SPN: variants seen among roughly 807,000 people sequenced by gnomAD.
The protein encoded by SPN is leukosialin.
Under a neutral mutation model 8.4 loss-of-function variants are expected in SPN, and 6 were observed. The ratio of observed to expected loss-of-function variants is 0.72; its 90% CI spans 0.39 to 1.42. The LOEUF (loss-of-function observed/expected upper bound fraction) is 1.42, where lower values mean the gene tolerates loss of function less well. SPN is among the 40% of genes most tolerant of loss of function. SPN has a pLI of 0.02. For synonymous variants in SPN, 201 were observed against 222.6 expected (o/e 0.90, Z 0.86); for missense variants, 517 against 530.6 (o/e 0.97, Z 0.25).
rs975155895 is a variant in SPN at position 29,666,547 on chromosome 16, C to G, written c.*1616C>G. 10 of 203,704 alleles carry G rather than the reference C, an allele frequency of 4.9e-5. No homozygotes were observed. The highest frequency in any genetic ancestry group is 1.0e-4 in the Non-Finnish European group (10 of 95,886). 12.6% of individuals were successfully genotyped at this position (203,704 alleles called of 1,614,324 possible). On this transcript the variant is annotated 3_prime_UTR_variant, in exon 2 of 2. Coordinates refer to ENST00000652691, the MANE Select transcript of SPN (RefSeq NM_003123.6). ...TCTCACACACACACACACACACACA[C>G]ACACACGCGCGCGCGCGCGCGCTCT... is the stretch of plus-strand genomic sequence containing the variant.
Position 29,667,195 on chromosome 16 carries a change from C to A in SPN, c.*2264C>A. 1 of 367,568 alleles carries A rather than the reference C, an allele frequency of 2.7e-6. No individual in the cohort carries two copies. Among genetic ancestry groups the A allele is most frequent in the Non-Finnish European group, 5.7e-6 (1 of 176,446 alleles). 22.8% of individuals were successfully genotyped at this position (367,568 alleles called of 1,614,324 possible). ...CTTTTCTGATTGCTATTTGGACTCA[C>A]TGCAGCTGCAGAATGACAGAGGCCA... On this transcript the variant is annotated 3_prime_UTR_variant, in exon 2 of 2. Coordinates refer to ENST00000652691, the MANE Select transcript of SPN (RefSeq NM_003123.6).
chr16:29,664,357 GCT>G lies in SPN; in HGVS notation c.634_635del (p.Leu212GlyfsTer13). The G allele has an allele frequency of 6.2e-7, 1 of 1,613,454 alleles. No individual in the cohort carries two copies. Among genetic ancestry groups the G allele is most frequent in the Non-Finnish European group, 8.5e-7 (1 of 1,179,986 alleles). ...GGACCCCCTGTTACCATGACAACTG[GCT>G]CTCTGGAGCCCTCCAGCGGGGCCAG... On this transcript the variant is annotated frameshift_variant, in exon 2 of 2. Coordinates refer to ENST00000652691, the MANE Select transcript of SPN (RefSeq NM_003123.6). LOFTEE classifies it high-confidence loss of function. The surrounding 1 kb of genome is among the most constrained non-coding windows in gnomAD (Gnocchi z 6.4).
Position 29,664,839 on chromosome 16 carries a change from G to T in SPN, c.1111G>T (p.Gly371Trp), listed in dbSNP as rs1336403745. ...GTCTGGGTCAGGCCCCAGCCTCAAA[G>T]GGGAGGAGGAGCCACTGGTGGCCAG... Reference protein sequence around the residue: ...LKSGSGPSLKGEEEPLVASED... With the variant: ...LKSGSGPSLKWEEEPLVASED... Residue 371 changes from glycine to tryptophan, a missense_variant, in exon 2 of 2, where the codon GGG becomes TGG. Coordinates refer to ENST00000652691, the MANE Select transcript of SPN (RefSeq NM_003123.6). The surrounding 1 kb of genome is among the most constrained non-coding windows in gnomAD (Gnocchi z 6.4). 6.7e-7 allele frequency: 1 copy of T among 1,499,316 alleles called. No homozygotes were observed. The highest frequency in any genetic ancestry group is 1.4e-5 in the African/African-American group (1 of 71,202). 92.9% of individuals were successfully genotyped at this position (1,499,316 alleles called of 1,614,324 possible).
Position 29,663,621 on chromosome 16 carries a change from T to C in SPN, c.-34-74T>C. ...TTGGGCCTGGCCGTTGGCAGGGAAG[T>C]GGGCAGAGGGGAGGCCCGGCCAGGT... On this transcript the variant is annotated intron_variant, in intron 1 of 1. Coordinates refer to ENST00000652691, the MANE Select transcript of SPN (RefSeq NM_003123.6). This position sits in a 1 kb window ranked among gnomAD's most constrained non-coding sequence, Gnocchi z 4.3. 6.9e-7 allele frequency: 1 copy of C among 1,459,454 alleles called. No homozygotes were observed. The highest frequency in any genetic ancestry group is 9.1e-7 in the Non-Finnish European group (1 of 1,097,894). 90.4% of individuals were successfully genotyped at this position (1,459,454 alleles called of 1,614,324 possible).
In SPN at chr16:29,665,721, C is replaced by G. The variant is rs1440056504; in HGVS notation, c.*790C>G. On this transcript the variant is annotated 3_prime_UTR_variant, in exon 2 of 2. Coordinates refer to ENST00000652691, the MANE Select transcript of SPN (RefSeq NM_003123.6). ...GGATTAACTTTGTAAAGCACCCTTG[C>G]CCTGTAGCTGCAAGGGCTGTGGAAC... is the stretch of plus-strand genomic sequence containing the variant. 3 of 167,108 alleles carry G rather than the reference C, an allele frequency of 1.8e-5. No homozygotes were observed. The highest frequency in any genetic ancestry group is 7.2e-5 in the African/African-American group (3 of 41,456). The allele number at this position is 167,108 out of a possible 1,614,324, so 10.4% of individuals were successfully genotyped here.
rs1269932662 is a variant in SPN at position 29,666,548 on chromosome 16, A to ACGCGCGCGCGCG, written c.*1618_*1619insGCGCGCGCGCGC. The ACGCGCGCGCGCG allele has an allele frequency of 5.7e-6, 1 of 176,832 alleles. No individual in the cohort carries two copies. Among genetic ancestry groups the ACGCGCGCGCGCG allele is most frequent in the Non-Finnish European group, 1.2e-5 (1 of 82,144 alleles). The allele number at this position is 176,832 out of a possible 1,614,324, so 11.0% of individuals were successfully genotyped here. ...CTCACACACACACACACACACACAC[A>ACGCGCGCGCGCG]CACACGCGCGCGCGCGCGCGCTCTC... On this transcript the variant is annotated 3_prime_UTR_variant, in exon 2 of 2. Coordinates refer to ENST00000652691, the MANE Select transcript of SPN (RefSeq NM_003123.6).
chr16:29,665,188 G>A lies in SPN; in HGVS notation c.*257G>A. The stretch of plus-strand genomic sequence containing the variant: ...TCCTGCCTCAGCTTCCCGAGTAACT[G>A]AGATTACAGGCACCCACCACCATGC... On this transcript the variant is annotated 3_prime_UTR_variant, in exon 2 of 2. Coordinates refer to ENST00000652691, the MANE Select transcript of SPN (RefSeq NM_003123.6). 2.7e-6 allele frequency: 1 copy of A among 376,314 alleles called. No individual in the cohort carries two copies. Among genetic ancestry groups the A allele is most frequent in the Non-Finnish European group, 4.8e-6 (1 of 208,732 alleles). 23.3% of individuals were successfully genotyped at this position (376,314 alleles called of 1,614,324 possible).
In SPN at chr16:29,664,774, G is replaced by A. The variant is rs574440536; in HGVS notation, c.1046G>A (p.Arg349Gln). The A allele has an allele frequency of 1.5e-4, 220 of 1,496,928 alleles. 2 individuals are homozygous for A. The South Asian group carries it at 2.1e-3, about 14-fold the overall frequency. The allele number at this position is 1,496,928 out of a possible 1,614,324, so 92.7% of individuals were successfully genotyped here. A position where few individuals can be genotyped will look rare whatever the true frequency, so the allele number is the denominator to read the frequency against. Reference protein sequence around the residue: ...RPTLTTFFGRRKSRQGSLAME... With the variant: ...RPTLTTFFGRQKSRQGSLAME... ...ACGCTCACCACTTTCTTTGGCAGAC[G>A]GAAGTCTCGCCAGGGCTCCCTGGCG... is the stretch of plus-strand genomic sequence containing the variant. The change falls in exon 2 of 2, where the codon CGG becomes CAG. Residue 349 changes from arginine to glutamine, a missense_variant. Arg to Gln is a conservative substitution (Grantham distance 43, BLOSUM62 1). Coordinates refer to ENST00000652691, the MANE Select transcript of SPN (RefSeq NM_003123.6). This position sits in a 1 kb window ranked among gnomAD's most constrained non-coding sequence, Gnocchi z 6.4.
rs369811160 is a variant in SPN, at chr16:29,667,968, GTGTGTGCGCA to G, written c.*3044_*3053del. The G allele has an allele frequency of 1.2e-5, 2 of 166,828 alleles. No homozygotes were observed. Among genetic ancestry groups the G allele is most frequent in the African/African-American group, 4.8e-5 (2 of 41,326 alleles). 10.3% of individuals were successfully genotyped at this position (166,828 alleles called of 1,614,324 possible). A position where few individuals can be genotyped will look rare whatever the true frequency, so the allele number is the denominator to read the frequency against. On this transcript the variant is annotated 3_prime_UTR_variant, in exon 2 of 2. Transcript: ENST00000652691. Reference sequence around the variant, plus strand: ...TGCCTGTGTGTGTATGTGTGCACATGTGTGTGCGCATGTGTGTGTGTGCGCGCATGTGTGT... The same window carrying G: ...TGCCTGTGTGTGTATGTGTGCACATGTGTGTGTGTGTGCGCGCATGTGTGT...
At position 29,664,963 on chromosome 16, in the gene SPN, A is replaced by G. The variant is rs767854002; in HGVS notation, c.*32A>G. On this transcript the variant is annotated 3_prime_UTR_variant, in exon 2 of 2. Transcript: ENST00000652691. This position sits in a 1 kb window ranked among gnomAD's most constrained non-coding sequence, Gnocchi z 6.4. ...GTGAATAGTGAGGCTGGAGGCCGGA[A>G]TCTCAGCCAGCCTCCAGCACCTTCC... The G allele has an allele frequency of 3.3e-5, 44 of 1,350,202 alleles. No individual in the cohort carries two copies. The highest frequency in any genetic ancestry group is 3.8e-5 in the Non-Finnish European group (40 of 1,045,926). The allele number at this position is 1,350,202 out of a possible 1,614,324, so 83.6% of individuals were successfully genotyped here.
In SPN at chr16:29,663,830, C is replaced by A. The variant is rs1300784242; in HGVS notation, c.102C>A (p.Val34=). The change falls in exon 2 of 2, where the codon GTC becomes GTA. Residue 34 remains valine, a synonymous_variant. Coordinates refer to ENST00000652691, the MANE Select transcript of SPN (RefSeq NM_003123.6). The surrounding 1 kb of genome is among the most constrained non-coding windows in gnomAD (Gnocchi z 4.3). Reference sequence around the variant, plus strand: ...CACCCACCTCCGGAGAGCCTTTGGTCTCTACTAGCGAGCCCCTGAGCTCAA... The same window carrying A: ...CACCCACCTCCGGAGAGCCTTTGGTATCTACTAGCGAGCCCCTGAGCTCAA... The part of the protein sequence containing the change: ...VQTPTSGEPL[V]STSEPLSSKM... The A allele has an allele frequency of 1.2e-6, 2 of 1,614,142 alleles. No individual in the cohort carries two copies. Among genetic ancestry groups the A allele is most frequent in the African/African-American group, 2.7e-5 (2 of 75,032 alleles).
rs1966839768 is a variant in SPN at position 29,668,407 on chromosome 16, A to AAT, written c.*3479_*3480dup. On this transcript the variant is annotated 3_prime_UTR_variant, in exon 2 of 2. Coordinates refer to ENST00000652691, the MANE Select transcript of SPN (RefSeq NM_003123.6). ...CCTGGCATGTTGCAGATCCTCCATG[A>AAT]ATATGCATTTGAATGAATGAATGAA... is the stretch of plus-strand genomic sequence containing the variant. 9.2e-6 allele frequency: 1 copy of AAT among 109,220 alleles called. No homozygotes were observed. Among genetic ancestry groups the AAT allele is most frequent in the African/African-American group, 3.7e-5 (1 of 27,074 alleles). 6.8% of individuals were successfully genotyped at this position (109,220 alleles called of 1,614,324 possible).
chr16:29,663,975 G>T lies in SPN; in HGVS notation c.247G>T (p.Ala83Ser), dbSNP rs1966768928. Residue 83 changes from alanine to serine, a missense_variant, in exon 2 of 2, where the codon GCC (alanine) becomes TCC (serine). Transcript: ENST00000652691. This position sits in a 1 kb window ranked among gnomAD's most constrained non-coding sequence, Gnocchi z 4.3. ...EGSPLWTSIG[A>S]STGSPLPEPT... is the part of the protein sequence containing the mutation. ...ATCCCCTCTTTGGACTTCCATTGGT[G>T]CCAGCACTGGTTCCCCTTTACCTGA... 1 of 1,613,928 alleles carries T rather than the reference G, an allele frequency of 6.2e-7. No individual in the cohort carries two copies. The highest frequency in any genetic ancestry group is 2.2e-5 in the East Asian group (1 of 44,886).
At position 29,670,867 on chromosome 16, in the gene SPN, T is replaced by C. The variant is rs1454772860; in HGVS notation, c.*5936T>C. On this transcript the variant is annotated 3_prime_UTR_variant, in exon 2 of 2. Coordinates refer to ENST00000652691, the MANE Select transcript of SPN (RefSeq NM_003123.6). ...CAATAAATATCTGTTACTTTTACAA[T>C]ATGAAAAAATAGTGGTCAAAAAGGT... 1 of 450,958 alleles carries C rather than the reference T, an allele frequency of 2.2e-6. No homozygotes were observed. Among genetic ancestry groups the C allele is most frequent in the Non-Finnish European group, 4.5e-6 (1 of 224,260 alleles). The allele number at this position is 450,958 out of a possible 1,614,324, so 27.9% of individuals were successfully genotyped here. A position where few individuals can be genotyped will look rare whatever the true frequency, so the allele number is the denominator to read the frequency against.
Position 29,670,675 on chromosome 16 carries a change from T to C in SPN, c.*5744T>C. The stretch of plus-strand genomic sequence containing the variant: ...TGGGGAAAAAAGCAAGTTACTCCTC[T>C]GTAATACATATGATTTTAGTTTTGT... On this transcript the variant is annotated 3_prime_UTR_variant, in exon 2 of 2. Transcript: ENST00000652691. 1 of 448,438 alleles carries C rather than the reference T, an allele frequency of 2.2e-6. No homozygotes were observed. The highest frequency in any genetic ancestry group is 4.5e-6 in the Non-Finnish European group (1 of 223,044). The allele number at this position is 448,438 out of a possible 1,614,324, so 27.8% of individuals were successfully genotyped here.
rs139174583 is a variant in SPN, at chr16:29,666,552, A to ACACACACGCGCGCGCGCGCGCG, written c.*1622_*1623insACACACGCGCGCGCGCGCGCGC. 2 of 141,258 alleles carry ACACACACGCGCGCGCGCGCGCG rather than the reference A, an allele frequency of 1.4e-5. No individual in the cohort carries two copies. Among genetic ancestry groups the ACACACACGCGCGCGCGCGCGCG allele is most frequent in the Admixed American group, 8.4e-5 (1 of 11,932 alleles). The allele number at this position is 141,258 out of a possible 1,614,324, so 8.8% of individuals were successfully genotyped here. A position where few individuals can be genotyped will look rare whatever the true frequency, so the allele number is the denominator to read the frequency against. On this transcript the variant is annotated 3_prime_UTR_variant, in exon 2 of 2. Coordinates refer to ENST00000652691, the MANE Select transcript of SPN (RefSeq NM_003123.6). ...CACACACACACACACACACACACAC[A>ACACACACGCGCGCGCGCGCGCG]CGCGCGCGCGCGCGCGCTCTCCTGC...
Position 29,664,889 on chromosome 16 carries a change from A to C in SPN, c.1161A>C (p.Pro387=), listed in dbSNP as rs564293552. 1.1e-5 allele frequency: 16 copies of C among 1,460,456 alleles called. No individual in the cohort carries two copies. The African/African-American group carries it at 2.1e-4, about 20-fold the overall frequency. The allele number at this position is 1,460,456 out of a possible 1,614,324, so 90.5% of individuals were successfully genotyped here. A position where few individuals can be genotyped will look rare whatever the true frequency, so the allele number is the denominator to read the frequency against. Residue 387 remains proline (P), a synonymous_variant, in exon 2 of 2, where the codon CCA becomes CCC. Coordinates refer to ENST00000652691, the MANE Select transcript of SPN (RefSeq NM_003123.6). The surrounding 1 kb of genome is among the most constrained non-coding windows in gnomAD (Gnocchi z 6.4). ...GTGAGGATGGGGCTGTGGACGCCCCAGCTCCTGATGAGCCCGAAGGGGGAG... is the reference window on the plus strand; with the variant it reads ...GTGAGGATGGGGCTGTGGACGCCCCCGCTCCTGATGAGCCCGAAGGGGGAG... ...VASEDGAVDA[P]APDEPEGGDG... is the part of the protein sequence containing the mutation.
Position 29,669,779 on chromosome 16 carries a change from G to A in SPN, c.*4848G>A, listed in dbSNP as rs1966843582. On this transcript the variant is annotated 3_prime_UTR_variant, in exon 2 of 2. Coordinates refer to ENST00000652691, the MANE Select transcript of SPN (RefSeq NM_003123.6). ...TAATCCCAGCTACTTGGGAGGCTGA[G>A]GCAGGAGAATCCCTTGAACCCAGGA... 6.0e-6 allele frequency: 1 copy of A among 165,658 alleles called. No homozygotes were observed. The highest frequency in any genetic ancestry group is 6.6e-5 in the Admixed American group (1 of 15,146). 10.3% of individuals were successfully genotyped at this position (165,658 alleles called of 1,614,324 possible).
chr16:29,663,652 G>T lies in SPN; in HGVS notation c.-34-43G>T. The stretch of plus-strand genomic sequence containing the variant: ...GAGGGGAGGCCCGGCCAGGTCCTCC[G>T]GCAACTCCCGCGTGTTCTGCTTCTC... On this transcript the variant is annotated intron_variant, in intron 1 of 1. Coordinates refer to ENST00000652691, the MANE Select transcript of SPN (RefSeq NM_003123.6). The surrounding 1 kb of genome is among the most constrained non-coding windows in gnomAD (Gnocchi z 4.3). 6.6e-7 allele frequency: 1 copy of T among 1,506,648 alleles called. No individual in the cohort carries two copies. The highest frequency in any genetic ancestry group is 8.8e-7 in the Non-Finnish European group (1 of 1,133,002). The allele number at this position is 1,506,648 out of a possible 1,614,324, so 93.3% of individuals were successfully genotyped here.
Sources: allele counts gnomAD v4.1 joint callset, GRCh38; gene constraint gnomAD v4.1.1; non-coding constraint Gnocchi (gnomAD v3.1); transcripts MANE v1.5; gene names NCBI Gene and HGNC (gene_info 2026-07-23, HGNC 2026-07-21).